Variants in DEK observed in about 807,000 individuals in gnomAD.
DEK encodes the protein DEK proto-oncogene.
Under a neutral mutation model 46.8 loss-of-function variants are expected in DEK, and 28 were observed. The ratio of observed to expected loss-of-function variants is 0.60; its 90% CI spans 0.44 to 0.82. The LOEUF (loss-of-function observed/expected upper bound fraction) is 0.82, where lower values mean the gene tolerates loss of function less well. DEK is among the 40% of genes least tolerant of loss of function. The pLI is 0.00. For synonymous variants in DEK, 160 were observed against 144.5 expected (o/e 1.11, Z -0.77); for missense variants, 416 against 430.6 (o/e 0.97, Z 0.30).
chr6:18,252,479 A>T (rs577066278), intron 6 of DEK, among the ~76,000 whole-genome samples: 1 of 135,436 alleles, frequency 7.4e-6, no homozygotes, highest in South Asian at 2.5e-4. Context: ...ACAACACTCC[A>T]GTCTAGGCAA....
At position 18,263,934 on chromosome 6, in the gene DEK, C is replaced by A; in HGVS notation, c.54G>T (p.Ala18=). The change falls in exon 2 of 11, where the codon GCG becomes GCT. Residue 18 remains alanine (A), a synonymous_variant. Transcript: ENST00000652689. ...AEGEGTPTQP[A]SEKEPEMPGP... ...CGGGCATTTCGGGTTCTTTCTCGGACGCGGGCTGGGTGGGGGTTCCCTCCC... is the reference window on the plus strand; with the variant it reads ...CGGGCATTTCGGGTTCTTTCTCGGAAGCGGGCTGGGTGGGGGTTCCCTCCC... 1.2e-6 allele frequency: 2 copies of A among 1,613,458 alleles called. No individual in the cohort carries two copies. The highest frequency in any genetic ancestry group is 1.3e-5 in the African/African-American group (1 of 75,004).
At chr6:18,246,219 T>C (rs953814000) in intron 7 of DEK, among the ~76,000 whole-genome samples, 1 of 152,226 alleles carries the variant, frequency 6.6e-6, no homozygotes, top group Non-Finnish European at 1.5e-5. Flanking sequence ...TTTATTTTCC[T>C]ATTTCTCATC....
At chr6:18,241,473 T>C (rs1047932986) in intron 7 of DEK, among the ~76,000 whole-genome samples, 6 of 152,306 alleles carry the variant, frequency 3.9e-5, no homozygotes, top group African/African-American at 1.4e-4. Flanking sequence ...TACCATCAAT[T>C]TGATTAATCC....
chr6:18,246,184 T>C (rs1223107796), intron 7 of DEK, among the ~76,000 whole-genome samples: 2 of 152,238 alleles, frequency 1.3e-5, no homozygotes, highest in Non-Finnish European at 2.9e-5. Flanking sequence ...CTGATTTTCA[T>C]AATCAATTTA....
Position 18,236,549 on chromosome 6 carries a change from T to C in DEK, c.950A>G (p.Lys317Arg), listed in dbSNP as rs200180483. 3.8e-5 allele frequency: 60 copies of C among 1,585,752 alleles called. No homozygotes were observed. The highest frequency in any genetic ancestry group is 3.3e-4 in the Middle Eastern group (2 of 5,992). Residue 317 changes from lysine to arginine, a missense_variant, in exon 9 of 11, where the codon AAG (lysine) becomes AGG (arginine). Physicochemically the swap from Lys to Arg is conservative, Grantham distance 26 (BLOSUM62 2). Coordinates refer to ENST00000652689, the MANE Select transcript of DEK (RefSeq NM_003472.4). ...SDDEPLIKKL[K>R]KPPTDEELKE... ...TAACTCTTCATCTGTAGGGGGTTTC[T>C]TCAACTTTTTAATTAAAGGTTCATC...
rs775976286 is a variant in DEK, at chr6:18,249,818, T to C, written c.595A>G (p.Thr199Ala). The C allele has an allele frequency of 7.1e-5, 114 of 1,595,942 alleles. No individual in the cohort carries two copies. The highest frequency in any genetic ancestry group is 9.4e-5 in the Non-Finnish European group (110 of 1,175,274). ...SGKPLPKSKKTCSKGSKKERN... is the reference protein window; with the variant it reads ...SGKPLPKSKKACSKGSKKERN... Reference sequence around the variant, plus strand: ...TCCTTTTTACTGCCTTTGCTACAAGTTTTTTTAGATTTCGGCAATGGCTGC... The same window carrying C: ...TCCTTTTTACTGCCTTTGCTACAAGCTTTTTTAGATTTCGGCAATGGCTGC... The change falls in exon 7 of 11, where the codon ACT (threonine) becomes GCT (alanine). Residue 199 changes from threonine (T) to alanine (A), a missense_variant. Thr to Ala is a moderately conservative substitution (Grantham distance 58). Transcript: ENST00000652689.
chr6:18,235,040 C>G (rs1790587357), intron 9 of DEK, among the ~76,000 whole-genome samples: 3 of 152,296 alleles, frequency 2.0e-5, no homozygotes, highest in South Asian at 4.1e-4. Context: ...ATGGACAGAA[C>G]TAATTTCTCT....
chr6:18,232,792 A>T (rs1294466001), intron 9 of DEK, among the ~76,000 whole-genome samples: 20 of 152,108 alleles, frequency 1.3e-4, no homozygotes, highest in Admixed American at 1.3e-3. Context: ...GATAATTTAT[A>T]GATTCAATGC....
At chr6:18,238,683 CA>C (rs201851628) in intron 7 of DEK, among the ~76,000 whole-genome samples, 22,098 of 91,638 alleles carry the variant, frequency 0.24, 1,750 homozygotes, top group East Asian at 0.35. Flanking sequence ...GAGACTGTCT[CA>C]AAAAAAAAAA....
Position 18,224,724 on chromosome 6 carries a change from AG to A in DEK, c.*994del, listed in dbSNP as rs1790033445. On this transcript the variant is annotated 3_prime_UTR_variant, in exon 11 of 11. Transcript: ENST00000652689. ...TTTAGTCATAATCGTGAAGCTGGCT[AG>A]GTTTCCAGTAAATATCAGCATTTTA... 4.7e-6 allele frequency: 1 copy of A among 214,872 alleles called. No individual in the cohort carries two copies. The highest frequency in any genetic ancestry group is 5.8e-5 in the Admixed American group (1 of 17,102). 13.3% of individuals were successfully genotyped at this position (214,872 alleles called of 1,614,324 possible).
intron 9 of DEK, among the ~76,000 whole-genome samples, chr6:18,231,346 G>C (rs1790403341): frequency 1.3e-5 from 2 of 152,118 alleles, no homozygotes; most frequent in Non-Finnish European, 2.9e-5. Context: ...AAAGCTAGCA[G>C]AAGGCAAGAA....
intron 7 of DEK, among the ~76,000 whole-genome samples, chr6:18,239,874 T>C (rs1259285898): frequency 6.6e-6 from 1 of 152,196 alleles, no homozygotes; most frequent in Non-Finnish European, 1.5e-5. Flanking sequence ...TTAAGTTCTT[T>C]AGCACACTTA....
chr6:18,240,735 C>T (rs1790859555), intron 7 of DEK, among the ~76,000 whole-genome samples: 1 of 152,164 alleles, frequency 6.6e-6, no homozygotes, highest in Admixed American at 6.5e-5. Context: ...ATGGGAGGAT[C>T]ACTTGAGGCC....
chr6:18,261,000 A>AG (rs1554162980), intron 2 of DEK, among the ~76,000 whole-genome samples: 12 of 151,010 alleles, frequency 7.9e-5, no homozygotes, highest in South Asian at 2.1e-4. Flanking sequence ...AAAAAAAAAA[A>AG]AAAGAAAGAA....
chr6:18,237,273 A>T, intron 8 of DEK, 108 bp downstream of exon 8: 1 of 1,312,782 alleles, frequency 7.6e-7, no homozygotes. Flanking sequence ...TCTCCCCGCA[A>T]TGTTCTCTGC....
In DEK at chr6:18,227,288, C is replaced by CT. The variant is rs547140793; in HGVS notation, c.1048-1047_1048-1046insA. Among the ~76,000 whole-genome samples the CT allele has an allele frequency of 3.8e-3, 582 of 152,258 alleles. 3 individuals are homozygous for CT. The highest frequency in any genetic ancestry group is 0.013 in the African/African-American group (520 of 41,540). ...TGTCTCGGTATAAAACCCGATTGTACGTTCCATCTACTGAGATAGGGGAAA... is the reference window on the plus strand; with the variant it reads ...TGTCTCGGTATAAAACCCGATTGTACTGTTCCATCTACTGAGATAGGGGAAA... On this transcript the variant is annotated intron_variant, in intron 9 of 10. Coordinates refer to ENST00000652689, the MANE Select transcript of DEK (RefSeq NM_003472.4).
At chr6:18,248,072 C>A (rs147005627) in intron 7 of DEK, among the ~76,000 whole-genome samples, 2,588 of 152,254 alleles carry the variant, frequency 0.017, 44 homozygotes, top group Non-Finnish European at 0.021. Context: ...ATAATAGCAA[C>A]TAATACTTAC....
chr6:18,256,665 T>C (rs1791611412), intron 4 of DEK, among the ~76,000 whole-genome samples: 1 of 152,206 alleles, frequency 6.6e-6, no homozygotes, highest in South Asian at 2.1e-4. Context: ...CATATTAACA[T>C]TATAAAAATC....
intron 7 of DEK, among the ~76,000 whole-genome samples, chr6:18,242,448 T>C (rs966039941): frequency 6.6e-6 from 1 of 152,232 alleles, no homozygotes; most frequent in African/African-American, 2.4e-5. Context: ...TTGTCAACCA[T>C]AGTCTGAAAA....
Sources: gnomAD v4.1 joint callset for allele counts (sites outside exome capture counted in the v4.1 genomes callset) on GRCh38, gnomAD v4.1.1 for gene constraint, MANE v1.5 for transcripts, NCBI Gene and HGNC (gene_info 2026-07-23, HGNC 2026-07-21) for gene names.